PTCHD4: variants seen among roughly 807,000 people sequenced by gnomAD.
The protein encoded by PTCHD4 is patched domain-containing protein 4.
PTCHD4 carries 33 observed loss-of-function variants against 58.1 expected under a neutral mutation model. That is an observed-to-expected ratio of 0.57 (90% confidence interval 0.43 to 0.76). The LOEUF is 0.76. PTCHD4 is among the 30% of genes least tolerant of loss of function. PTCHD4 has a pLI of 0.00. For missense variants in PTCHD4, 1,058 were observed against 1,027.1 expected, an observed-to-expected ratio of 1.03 and a Z score of -0.41; for synonymous variants, 478 against 409.6, an observed-to-expected ratio of 1.17 and a Z score of -2.02.
At chr6:48,106,793 T>C (rs1483908825) in intron 1 of PTCHD4, among the ~76,000 whole-genome samples, 1 of 152,122 alleles carries the variant, frequency 6.6e-6, no homozygotes, top group East Asian at 1.9e-4. Flanking sequence ...ACAAGGATTC[T>C]TATACATCAA....
chr6:47,993,533 G>A (rs1454565082), intron 4 of PTCHD4, among the ~76,000 whole-genome samples: 1 of 152,170 alleles, frequency 6.6e-6, no homozygotes, highest in Admixed American at 6.5e-5. Flanking sequence ...AACTTGAGAT[G>A]TCAAAGCAGC....
intron 3 of PTCHD4, among the ~76,000 whole-genome samples, chr6:48,037,977 T>C (rs1035949832): frequency 6.7e-6 from 1 of 149,150 alleles, no homozygotes; most frequent in African/African-American, 2.5e-5. Flanking sequence ...TTTGTTCAGA[T>C]AAAAAAAAAT....
intron 4 of PTCHD4, among the ~76,000 whole-genome samples, chr6:48,003,895 C>T (rs374907989): frequency 4.6e-4 from 70 of 152,306 alleles, no homozygotes; most frequent in African/African-American, 1.6e-3. Context: ...TCTGCCAGAG[C>T]CACTCATCTC....
intron 1 of PTCHD4, among the ~76,000 whole-genome samples, chr6:48,086,631 C>G (rs1412477472): frequency 6.6e-6 from 1 of 151,950 alleles, no homozygotes; most frequent in Non-Finnish European, 1.5e-5. Context: ...ATGAACTAAA[C>G]ATTTTGTGTC....
intron 4 of PTCHD4, among the ~76,000 whole-genome samples, chr6:47,929,647 T>TC (rs755733666): frequency 3.3e-5 from 5 of 152,238 alleles, no homozygotes; most frequent in Non-Finnish European, 1.5e-5. Flanking sequence ...AGAGAGGAAC[T>TC]CCAGGCTGCT....
rs929552440 is a variant in PTCHD4 at position 47,951,938 on chromosome 6, GA to G, written c.898+56695del. ...GAAGTTACCTCAAAGTTCTAGAGTA[GA>G]AAATACACTGCACATCCAAGCAATT... is the stretch of plus-strand genomic sequence containing the variant. On this transcript the variant is annotated intron_variant, in intron 4 of 4. Coordinates refer to ENST00000339488, the MANE Select transcript of PTCHD4 (RefSeq NM_001384253.1). 1.1e-4 allele frequency among the ~76,000 whole-genome samples: 17 copies of G among 151,970 alleles called. 1 individual carries two copies. The highest frequency in any genetic ancestry group is 4.1e-4 in the African/African-American group (17 of 41,384).
intron 3 of PTCHD4, among the ~76,000 whole-genome samples, chr6:48,042,531 A>G (rs191270197): frequency 8.2e-4 from 125 of 152,032 alleles, no homozygotes; most frequent in African/African-American, 2.9e-3. Context: ...CTCCCAATAA[A>G]ATAAGTCTTT....
intron 4 of PTCHD4, among the ~76,000 whole-genome samples, chr6:47,883,416 G>A (rs1764082762): frequency 2.0e-5 from 3 of 152,082 alleles, no homozygotes; most frequent in African/African-American, 7.2e-5. Context: ...TCTTTTTGTA[G>A]ATGTTACTTC....
intron 4 of PTCHD4, among the ~76,000 whole-genome samples, chr6:47,884,092 ATGTG>A (rs151246264): frequency 2.0e-5 from 3 of 149,838 alleles, no homozygotes; most frequent in Admixed American, 6.7e-5. Flanking sequence ...TTATGTATGT[ATGTG>A]TGTGTGTGTG....
chr6:48,043,729 C>G (rs1396884962), intron 3 of PTCHD4, among the ~76,000 whole-genome samples: 3 of 151,738 alleles, frequency 2.0e-5, no homozygotes, highest in Non-Finnish European at 2.9e-5. Flanking sequence ...TTGCAATATT[C>G]AAAAATTAAA....
At chr6:47,984,028 C>A (rs1225045684) in intron 4 of PTCHD4, among the ~76,000 whole-genome samples, 1 of 151,996 alleles carries the variant, frequency 6.6e-6, no homozygotes, top group Non-Finnish European at 1.5e-5. Flanking sequence ...TGCTTTGTGA[C>A]AAACATCATC....
At chr6:47,992,776 T>G (rs1342471247) in intron 4 of PTCHD4, among the ~76,000 whole-genome samples, 1 of 152,212 alleles carries the variant, frequency 6.6e-6, no homozygotes, top group Non-Finnish European at 1.5e-5. Context: ...ATAATAAATA[T>G]GCTACGTTAC....
intron 4 of PTCHD4, among the ~76,000 whole-genome samples, chr6:47,935,119 A>G (rs1397380995): frequency 6.6e-6 from 1 of 152,140 alleles, no homozygotes; most frequent in African/African-American, 2.4e-5. Context: ...TAGAAATTGG[A>G]TACTTTTAAG....
At chr6:47,895,511 A>G (rs975155669) in intron 4 of PTCHD4, among the ~76,000 whole-genome samples, 1 of 152,236 alleles carries the variant, frequency 6.6e-6, no homozygotes, top group African/African-American at 2.4e-5. Flanking sequence ...TAACATTGAC[A>G]TGGGAATCTT....
chr6:47,869,778 A>C lies in PTCHD4; in HGVS notation c.*8525T>G, dbSNP rs945129436. Among the ~76,000 whole-genome samples, 5 of 151,746 alleles carry C rather than the reference A, an allele frequency of 3.3e-5. No homozygotes were observed. Among genetic ancestry groups the C allele is most frequent in the Non-Finnish European group, 7.4e-5 (5 of 67,772 alleles). ...CTTGTGATTCAATAAAATACTAAAAAAACATAGATTATGTTATTTTACATT... is the reference window on the plus strand; with the variant it reads ...CTTGTGATTCAATAAAATACTAAAACAACATAGATTATGTTATTTTACATT... On this transcript the variant is annotated 3_prime_UTR_variant, in exon 5 of 5. Transcript: ENST00000339488.
chr6:47,879,190 C>T lies in PTCHD4; in HGVS notation c.1645G>A (p.Glu549Lys). The T allele has an allele frequency of 6.2e-7, 1 of 1,612,406 alleles. No individual in the cohort carries two copies. The highest frequency in any genetic ancestry group is 1.3e-5 in the African/African-American group (1 of 74,990). The change falls in exon 5 of 5, where the codon GAG becomes AAG. Residue 549 changes from glutamate (E) to lysine (K), a missense_variant. By Grantham distance (56) the Glu-to-Lys change is moderately conservative. Transcript: ENST00000339488. ...CSGFTAVSWVEQYYQFLKVSN... is the reference protein window; with the variant it reads ...CSGFTAVSWVKQYYQFLKVSN... ...ACTTTCAGGAACTGGTAGTACTGCT[C>T]CACCCAGGACACTGCAGTGAATCCA...
chr6:47,894,890 G>T (rs569397148), intron 4 of PTCHD4, among the ~76,000 whole-genome samples: 2 of 152,212 alleles, frequency 1.3e-5, no homozygotes, highest in African/African-American at 4.8e-5. Context: ...CCAGCACTTT[G>T]GGAGGCTGAG....
chr6:47,972,381 G>C (rs1271950186), intron 4 of PTCHD4, among the ~76,000 whole-genome samples: 1 of 152,064 alleles, frequency 6.6e-6, no homozygotes, highest in Non-Finnish European at 1.5e-5. Context: ...GGGAAACGGA[G>C]CTATAAAAAA....
intron 4 of PTCHD4, among the ~76,000 whole-genome samples, chr6:47,948,649 T>C (rs1242542059): frequency 6.6e-6 from 1 of 152,220 alleles, no homozygotes; most frequent in East Asian, 1.9e-4. Context: ...TTCTGTACTA[T>C]TCTTCTAACT....
Sources: gnomAD v4.1 joint callset for allele counts (sites outside exome capture counted in the v4.1 genomes callset) on GRCh38, gnomAD v4.1.1 for gene constraint, MANE v1.5 for transcripts, NCBI Gene and HGNC (gene_info 2026-07-23, HGNC 2026-07-21) for gene names.